The following NSMCE2 variants were observed in gnomAD, a reference collection of about 807,000 sequenced individuals.
The protein encoded by NSMCE2 is E3 SUMO-protein ligase NSE2.
Under a neutral mutation model 23.8 loss-of-function variants are expected in NSMCE2, and 24 were observed. The observed-to-expected ratio is 1.01, with a 90% confidence interval of 0.73 to 1.42. The LOEUF is 1.42. Ranked by LOEUF, NSMCE2 falls within the 40% of genes most tolerant of loss-of-function variation. The pLI is 0.00. For synonymous variants in NSMCE2, 92 were observed against 94.1 expected, an observed-to-expected ratio of 0.98 and a Z score of 0.13; for missense variants, 284 against 296.5, an observed-to-expected ratio of 0.96 and a Z score of 0.31.
chr8:125,286,452 A>C lies in NSMCE2; in HGVS notation c.419-70767A>C, dbSNP rs561032017. Among the ~76,000 whole-genome samples the C allele has an allele frequency of 2.6e-5, 4 of 151,688 alleles. No individual in the cohort carries two copies. In the East Asian group the frequency reaches 7.8e-4, roughly 29 times the overall value. On this transcript the variant is annotated intron_variant, in intron 5 of 7. Transcript: ENST00000287437. ...CTCAGCCTCCCAAGTAGCTGGGATT[A>C]CAGGCGCCCACCACCATGACGGCTA... is the stretch of plus-strand genomic sequence containing the variant.
intron 5 of NSMCE2, among the ~76,000 whole-genome samples, chr8:125,208,939 C>G (rs1460170191): frequency 6.6e-6 from 1 of 152,098 alleles, no homozygotes; most frequent in Non-Finnish European, 1.5e-5. Flanking sequence ...ATGTTTTTTT[C>G]CTCTCCAATG....
At position 125,246,252 on chromosome 8, in the gene NSMCE2, C is replaced by T. The variant is rs187317407; in HGVS notation, c.418+63996C>T. 6.7e-3 allele frequency among the ~76,000 whole-genome samples: 1,009 copies of T among 151,268 alleles called. 8 individuals are homozygous for T. Among genetic ancestry groups the T allele is most frequent in the African/African-American group, 0.023 (961 of 41,262 alleles). On this transcript the variant is annotated intron_variant, in intron 5 of 7. Coordinates refer to ENST00000287437, the MANE Select transcript of NSMCE2 (RefSeq NM_173685.4). ...AGGCTGGAGTGCAATGTCGCAATCT[C>T]GGCTCACTGCAACCTCCGCCTCCCA...
At chr8:125,362,733 CTTGGGAGGGCTAT>C (rs1721920678) in intron 7 of NSMCE2, among the ~76,000 whole-genome samples, 2 of 152,254 alleles carry the variant, frequency 1.3e-5, no homozygotes, top group Non-Finnish European at 2.9e-5. Context: ...TCCAGCTCCC[CTTGGGAGGGCTAT>C]TTGGTTCATG....
At chr8:125,317,394 G>A (rs1436775422) in intron 5 of NSMCE2, among the ~76,000 whole-genome samples, 2 of 151,772 alleles carry the variant, frequency 1.3e-5, no homozygotes, top group African/African-American at 4.8e-5. Context: ...ATGGGGTTTT[G>A]CCATGTTGCC....
chr8:125,099,788 C>G (rs1186210650), intron 1 of NSMCE2, among the ~76,000 whole-genome samples: 4 of 152,094 alleles, frequency 2.6e-5, no homozygotes, highest in African/African-American at 7.3e-5. Context: ...GTATACAAAT[C>G]TACAGACGAG....
At chr8:125,119,795 C>G (rs1023668767) in intron 3 of NSMCE2, among the ~76,000 whole-genome samples, 1 of 152,062 alleles carries the variant, frequency 6.6e-6, no homozygotes, top group Non-Finnish European at 1.5e-5. Flanking sequence ...CTTGATTATT[C>G]TAGAGAAGAT....
intron 3 of NSMCE2, among the ~76,000 whole-genome samples, chr8:125,139,825 C>T (rs1412623581): frequency 1.3e-5 from 2 of 152,174 alleles, no homozygotes; most frequent in Admixed American, 6.5e-5. Context: ...GAAATTTTGT[C>T]ATTAAACTGA....
intron 5 of NSMCE2, among the ~76,000 whole-genome samples, chr8:125,283,597 T>C (rs1827777406): frequency 6.6e-6 from 1 of 152,200 alleles, no homozygotes; most frequent in African/African-American, 2.4e-5. Flanking sequence ...TGGAAACTGC[T>C]TAATTAACCT....
rs575032272 is a variant in NSMCE2 at position 125,098,529 on chromosome 8, C to G, written c.-110-3522C>G. ...AGGGTGGAAGAGGCAAGACTGAGAG[C>G]AGGGAGACCAGGTAGGAGACTGTTG... On this transcript the variant is annotated intron_variant, in intron 1 of 7. Coordinates refer to ENST00000287437, the MANE Select transcript of NSMCE2 (RefSeq NM_173685.4). Among the ~76,000 whole-genome samples the G allele has an allele frequency of 2.0e-5, 3 of 152,182 alleles. No homozygotes were observed. The South Asian group carries it at 6.2e-4, about 32-fold the overall frequency.
chr8:125,252,574 C>G (rs1826243492), intron 5 of NSMCE2, among the ~76,000 whole-genome samples: 1 of 152,160 alleles, frequency 6.6e-6, no homozygotes, highest in Non-Finnish European at 1.5e-5. Flanking sequence ...TTTATATTTT[C>G]TTGCATTTGA....
At chr8:125,249,431 A>G (rs1176938455) in intron 5 of NSMCE2, among the ~76,000 whole-genome samples, 1 of 152,192 alleles carries the variant, frequency 6.6e-6, no homozygotes, top group East Asian at 1.9e-4. Context: ...CTTTGTCAGA[A>G]AGATGTTCAT....
At chr8:125,122,341 C>A (rs1014706719) in intron 3 of NSMCE2, among the ~76,000 whole-genome samples, 2 of 152,106 alleles carry the variant, frequency 1.3e-5, no homozygotes, top group African/African-American at 2.4e-5. Context: ...GTTTCTCTAG[C>A]CATAACCAAA....
At chr8:125,189,468 G>A (rs866116149) in intron 5 of NSMCE2, among the ~76,000 whole-genome samples, 2 of 152,208 alleles carry the variant, frequency 1.3e-5, no homozygotes, top group Non-Finnish European at 1.5e-5. Context: ...GTCCAGACAT[G>A]CCTAAATAAG....
At chr8:125,198,368 A>G (rs1191209827) in intron 5 of NSMCE2, among the ~76,000 whole-genome samples, 1 of 152,022 alleles carries the variant, frequency 6.6e-6, no homozygotes, top group East Asian at 1.9e-4. Flanking sequence ...TTGCATCGAT[A>G]CCTAGTTTAT....
chr8:125,132,162 A>C (rs1279380828), intron 3 of NSMCE2, among the ~76,000 whole-genome samples: 1 of 148,736 alleles, frequency 6.7e-6, no homozygotes, highest in Non-Finnish European at 1.5e-5. Context: ...CAGTGGCACA[A>C]TCATAGCTCA....
At chr8:125,221,909 G>T (rs1253576633) in intron 5 of NSMCE2, among the ~76,000 whole-genome samples, 2 of 152,134 alleles carry the variant, frequency 1.3e-5, no homozygotes, top group African/African-American at 2.4e-5. Context: ...CTATAAATGA[G>T]ATGATGTGAA....
intron 5 of NSMCE2, among the ~76,000 whole-genome samples, chr8:125,355,450 A>G (rs1277269833): frequency 2.0e-5 from 3 of 152,248 alleles, no homozygotes; most frequent in Admixed American, 1.3e-4. Flanking sequence ...CTGTAATCCC[A>G]GCACTCTGGG....
chr8:125,150,047 G>A (rs998741830), intron 3 of NSMCE2, among the ~76,000 whole-genome samples: 5 of 152,120 alleles, frequency 3.3e-5, no homozygotes, highest in Admixed American at 3.3e-4. Context: ...TAGGGTCTCT[G>A]GATCACTCAG....
chr8:125,191,020 G>A lies in NSMCE2; in HGVS notation c.418+8764G>A, dbSNP rs561649489. On this transcript the variant is annotated intron_variant, in intron 5 of 7. Coordinates refer to ENST00000287437, the MANE Select transcript of NSMCE2 (RefSeq NM_173685.4). ...CGAGTAGCTGGGATTACAGGCACCCGCCACGCCACCTAGCTAATTTTTTGT... is the reference window on the plus strand; with the variant it reads ...CGAGTAGCTGGGATTACAGGCACCCACCACGCCACCTAGCTAATTTTTTGT... Among the ~76,000 whole-genome samples, 5 of 152,126 alleles carry A rather than the reference G, an allele frequency of 3.3e-5. No individual in the cohort carries two copies. The East Asian group carries it at 7.7e-4, about 24-fold the overall frequency.
Sources: allele counts gnomAD v4.1 joint callset (sites outside exome capture counted in the v4.1 genomes callset), GRCh38; gene constraint gnomAD v4.1.1; transcripts MANE v1.5; gene names NCBI Gene and HGNC (gene_info 2026-07-23, HGNC 2026-07-21).